Variants in DICER1 observed in about 807,000 individuals in gnomAD.
DICER1 encodes dicer 1, ribonuclease III, also known as endoribonuclease Dicer.
Under a neutral mutation model 194.1 loss-of-function variants are expected in DICER1, and 43 were observed. The observed-to-expected ratio is 0.22, with a 90% confidence interval of 0.17 to 0.29. The LOEUF (loss-of-function observed/expected upper bound fraction) is 0.29. Among genes scored for constraint, DICER1 ranks in the 10% least tolerant of loss-of-function variants. DICER1 has a pLI of 1.00. For synonymous variants in DICER1, 832 were observed against 820.5 expected (o/e 1.01, Z -0.24); for missense variants, 1,608 against 2,317.0 (o/e 0.69, Z 6.28).
At chr14:95,154,360 T>C (rs1383731707) in intron 1 of DICER1, among the ~76,000 whole-genome samples, 1 of 152,186 alleles carries the variant, frequency 6.6e-6, no homozygotes, top group Non-Finnish European at 1.5e-5. Flanking sequence ...GAGGTATATG[T>C]CTAAAAGAAG....
intron 23 of DICER1, chr14:95,095,240 C>CT (rs1890204085): frequency 6.5e-6 from 1 of 154,182 alleles, no homozygotes; most frequent in African/African-American, 2.4e-5. Flanking sequence ...GGGGCTTGTT[C>CT]TCCCTTCTAA....
At chr14:95,125,804 G>A (rs1234979840) in intron 7 of DICER1, among the ~76,000 whole-genome samples, 3 of 134,350 alleles carry the variant, frequency 2.2e-5, no homozygotes, top group Non-Finnish European at 3.2e-5. Flanking sequence ...AAGAGGAGAG[G>A]AGAGAAAGAG....
intron 1 of DICER1, among the ~76,000 whole-genome samples, chr14:95,155,163 C>A (rs1895762965): frequency 6.6e-6 from 1 of 152,126 alleles, no homozygotes; most frequent in Admixed American, 6.5e-5. Flanking sequence ...TCGAGTTGAT[C>A]GCAGGGTCAC....
At chr14:95,123,498 C>T (rs1893118742) in intron 8 of DICER1, among the ~76,000 whole-genome samples, 4 of 152,220 alleles carry the variant, frequency 2.6e-5, no homozygotes, top group African/African-American at 9.7e-5. Flanking sequence ...TCTCAGCTCA[C>T]TGCAACCTCT....
chr14:95,115,695 T>C lies in DICER1; in HGVS notation c.1879A>G (p.Ile627Val), dbSNP rs1312425649. ...RPDDGGPRVT[I>V]NTAIGHINRY... Reference sequence around the variant, plus strand: ...TTGATGTGTCCAATGGCCGTGTTGATTGTGACTCGTGGACCACCATCGTCA... The same window carrying C: ...TTGATGTGTCCAATGGCCGTGTTGACTGTGACTCGTGGACCACCATCGTCA... Residue 627 changes from isoleucine to valine, a missense_variant, in exon 11 of 27, where the codon ATC becomes GTC. Physicochemically the swap from Ile to Val is conservative, Grantham distance 29. Transcript: ENST00000343455. The C allele has an allele frequency of 1.9e-6, 3 of 1,614,042 alleles. No homozygotes were observed. Among genetic ancestry groups the C allele is most frequent in the African/African-American group, 1.3e-5 (1 of 74,908 alleles).
At chr14:95,149,440 C>T (rs964851424) in intron 1 of DICER1, among the ~76,000 whole-genome samples, 2 of 152,170 alleles carry the variant, frequency 1.3e-5, no homozygotes, top group South Asian at 2.1e-4. Flanking sequence ...CCACCTCTCA[C>T]GAACCCCACC....
chr14:95,133,881 C>T (rs931177885), intron 1 of DICER1, among the ~76,000 whole-genome samples: 1 of 152,202 alleles, frequency 6.6e-6, no homozygotes, highest in African/African-American at 2.4e-5. Context: ...GATTATAGCA[C>T]ATATCTGTAG....
At chr14:95,148,193 A>G (rs370173755) in intron 1 of DICER1, among the ~76,000 whole-genome samples, 459 of 152,288 alleles carry the variant, frequency 3.0e-3, no homozygotes, top group Non-Finnish European at 5.6e-3. Flanking sequence ...GAAGCTTTCC[A>G]AACTCTGTCC....
intron 2 of DICER1, among the ~76,000 whole-genome samples, chr14:95,132,937 G>C (rs1894080477): frequency 6.6e-6 from 1 of 152,136 alleles, no homozygotes; most frequent in Admixed American, 6.5e-5. Flanking sequence ...TGTATACACA[G>C]AATACTTCTT....
chr14:95,156,944 C>A (rs962705403), intron 1 of DICER1, among the ~76,000 whole-genome samples: 7 of 152,142 alleles, frequency 4.6e-5, no homozygotes, highest in African/African-American at 1.4e-4. Context: ...CGGCATCCCC[C>A]ACCACGCCAC....
intron 11 of DICER1, among the ~76,000 whole-genome samples, 169 bp downstream of exon 11, chr14:95,115,498 T>A (rs1892353507): frequency 6.6e-6 from 1 of 152,178 alleles, no homozygotes; most frequent in African/African-American, 2.4e-5. Context: ...TGTTTTTGCC[T>A]TTTGATTTAA....
chr14:95,153,558 A>C (rs919280250), intron 1 of DICER1, among the ~76,000 whole-genome samples: 1 of 152,220 alleles, frequency 6.6e-6, no homozygotes, highest in Non-Finnish European at 1.5e-5. Flanking sequence ...AAGATTGATT[A>C]TTCTTCATAC....
intron 1 of DICER1, chr14:95,141,304 A>G (rs1247987200): frequency 6.6e-6 from 1 of 152,246 alleles, no homozygotes; most frequent in Non-Finnish European, 1.5e-5. Context: ...TATAAATAAA[A>G]TAATTCAAGA....
Position 95,105,900 on chromosome 14 carries a change from T to C in DICER1, c.2988-117A>G, listed in dbSNP as rs539413127. On this transcript the variant is annotated intron_variant, in intron 18 of 26. Transcript: ENST00000343455. The surrounding 1 kb of genome is among the most constrained non-coding windows in gnomAD (Gnocchi z 4.9). ...AACTACAGCCTCTTGGGCTACCCCT[T>C]GGGCAAGTTTGTGTGCAAAGCATCT... is the stretch of plus-strand genomic sequence containing the variant. The C allele has an allele frequency of 2.4e-5, 33 of 1,401,004 alleles. No homozygotes were observed. In the African/African-American group the frequency reaches 4.0e-4, roughly 17 times the overall value. The allele number at this position is 1,401,004 out of a possible 1,614,324, so 86.8% of individuals were successfully genotyped here. A position where few individuals can be genotyped will look rare whatever the true frequency, so the allele number is the denominator to read the frequency against.
At chr14:95,140,596 AAAAGACAAG>A (rs1371883015) in intron 1 of DICER1, 7 of 152,224 alleles carry the variant, frequency 4.6e-5, no homozygotes, top group Non-Finnish European at 7.4e-5. Context: ...GTAATTTAGC[AAAAGACAAG>A]AAAGACAAGA....
chr14:95,152,375 T>C (rs1895571477), intron 1 of DICER1, among the ~76,000 whole-genome samples: 1 of 152,232 alleles, frequency 6.6e-6, no homozygotes, highest in Non-Finnish European at 1.5e-5. Context: ...GCAAGCAATA[T>C]TCTTCCCCAC....
chr14:95,096,616 T>C lies in DICER1; in HGVS notation c.4304A>G (p.Glu1435Gly). 1 of 1,612,048 alleles carries C rather than the reference T, an allele frequency of 6.2e-7. No homozygotes were observed. ...CAGGAAATCATCTTCATAGTCAGCC[T>C]CTTCCTTCGGAGCCCTCCACATCAG... Reference protein sequence around the residue: ...ESLMWRAPKEEADYEDDFLEY... With the variant: ...ESLMWRAPKEGADYEDDFLEY... Residue 1435 changes from glutamate (E) to glycine (G), a missense_variant, in exon 23 of 27, where the codon GAG (glutamate) becomes GGG (glycine). This residue lies in a region of DICER1 where 164 missense variants were observed against 183.7 expected (regional missense o/e 0.89). Coordinates refer to ENST00000343455, the MANE Select transcript of DICER1 (RefSeq NM_177438.3).
At chr14:95,155,112 C>A (rs1895759192) in intron 1 of DICER1, among the ~76,000 whole-genome samples, 1 of 152,194 alleles carries the variant, frequency 6.6e-6, no homozygotes, top group Non-Finnish European at 1.5e-5. Flanking sequence ...GGGTAATAAT[C>A]ACTGACTCTT....
At chr14:95,155,578 C>CG (rs1387768729) in intron 1 of DICER1, among the ~76,000 whole-genome samples, 17 of 124,950 alleles carry the variant, frequency 1.4e-4, no homozygotes, top group African/African-American at 1.7e-4. Flanking sequence ...CATTGAGCCA[C>CG]GGGCAAAATA....
Sources: gnomAD v4.1 joint callset for allele counts (sites outside exome capture counted in the v4.1 genomes callset) on GRCh38, gnomAD v4.1.1 for gene constraint, gnomAD v4.1.1 regional missense constraint, Gnocchi (gnomAD v3.1) non-coding constraint, MANE v1.5 for transcripts, NCBI Gene and HGNC (gene_info 2026-07-23, HGNC 2026-07-21) for gene names.